Variants in UBE2U observed in about 807,000 individuals in gnomAD.
The protein encoded by UBE2U is ubiquitin-conjugating enzyme E2 U.
Under a neutral mutation model 41.2 loss-of-function variants are expected in UBE2U, and 39 were observed. The ratio of observed to expected loss-of-function variants is 0.95; its 90% CI spans 0.73 to 1.24. The LOEUF (loss-of-function observed/expected upper bound fraction) is 1.24. Ranked by LOEUF, UBE2U falls within the 50% of genes most tolerant of loss-of-function variation. The pLI is 0.00. For synonymous variants in UBE2U, 107 were observed against 117.8 expected, an observed-to-expected ratio of 0.91 and a Z score of 0.60; for missense variants, 336 against 363.1, an observed-to-expected ratio of 0.93 and a Z score of 0.61.
At chr1:64,217,264 GA>G (rs1462264549) in intron 5 of UBE2U, among the ~76,000 whole-genome samples, 6 of 152,122 alleles carry the variant, frequency 3.9e-5, no homozygotes, top group African/African-American at 1.4e-4. Flanking sequence ...GAGCTTCTTT[GA>G]TAAAAAGCTC....
At chr1:64,238,569 G>T (rs574313989) in intron 7 of UBE2U, among the ~76,000 whole-genome samples, 1 of 152,124 alleles carries the variant, frequency 6.6e-6, no homozygotes, top group East Asian at 1.9e-4. Flanking sequence ...TATTAATAAC[G>T]TCTGTAAGAA....
intron 4 of UBE2U, among the ~76,000 whole-genome samples, chr1:64,211,716 C>A (rs1471209330): frequency 6.6e-6 from 1 of 152,202 alleles, no homozygotes; most frequent in Admixed American, 6.5e-5. Flanking sequence ...GCTGGAATTA[C>A]AGGCAAGAGC....
Position 64,210,829 on chromosome 1 carries a change from T to G in UBE2U, c.329T>G (p.Leu110Arg). 6.2e-7 allele frequency: 1 copy of G among 1,601,394 alleles called. No individual in the cohort carries two copies. Among genetic ancestry groups the G allele is most frequent in the Non-Finnish European group, 8.5e-7 (1 of 1,173,042 alleles). Residue 110 changes from leucine (L) to arginine (R), a missense_variant, in exon 4 of 10, where the codon CTT becomes CGT. Coordinates refer to ENST00000371077, the MANE Select transcript of UBE2U (RefSeq NM_001366232.2). ...NTNYTLSSIL[L>R]ALQVMLSNPV... is the part of the protein sequence containing the mutation. ...AACTATACATTGAGCAGCATCTTAC[T>G]TGCCCTACAGGTAAGAATGGATTTC...
At chr1:64,211,562 C>A (rs1399221913) in intron 4 of UBE2U, among the ~76,000 whole-genome samples, 3 of 152,040 alleles carry the variant, frequency 2.0e-5, no homozygotes, top group Admixed American at 1.3e-4. Context: ...ACCTCAGCCC[C>A]TCAAGTAGCT....
intron 5 of UBE2U, among the ~76,000 whole-genome samples, chr1:64,216,516 C>T (rs1652025084): frequency 6.6e-6 from 1 of 152,230 alleles, no homozygotes; most frequent in Admixed American, 6.5e-5. Context: ...ATAGGACAAA[C>T]ACTGAAGTTA....
chr1:64,243,024 C>T (rs1164094456), intron 8 of UBE2U, among the ~76,000 whole-genome samples: 3 of 152,148 alleles, frequency 2.0e-5, no homozygotes, highest in Non-Finnish European at 4.4e-5. Context: ...GTGTCATTTT[C>T]AATTTATCCA....
At chr1:64,234,905 T>C (rs1644637555) in intron 7 of UBE2U, among the ~76,000 whole-genome samples, 1 of 152,054 alleles carries the variant, frequency 6.6e-6, no homozygotes, top group African/African-American at 2.4e-5. Flanking sequence ...GAGACATTAA[T>C]TGGCACACTC....
At chr1:64,251,110 A>G (rs193194585) in intron 8 of UBE2U, among the ~76,000 whole-genome samples, 5 of 151,568 alleles carry the variant, frequency 3.3e-5, no homozygotes, top group African/African-American at 9.7e-5. Flanking sequence ...CCGCCCCCCC[A>G]AAAAAAGAAA....
intron 7 of UBE2U, among the ~76,000 whole-genome samples, chr1:64,236,249 C>G (rs956655945): frequency 2.6e-5 from 4 of 152,142 alleles, no homozygotes; most frequent in African/African-American, 7.2e-5. Flanking sequence ...AGTGTGTTCT[C>G]AATTAATTCG....
intron 3 of UBE2U, 111 bp downstream of exon 3, chr1:64,206,967 ACT>A: frequency 1.4e-6 from 1 of 707,414 alleles, no homozygotes; most frequent in Non-Finnish European, 2.4e-6. Flanking sequence ...AAAAGTAAGA[ACT>A]CTCATTGGGG....
At chr1:64,235,733 A>G (rs970879318) in intron 7 of UBE2U, among the ~76,000 whole-genome samples, 3 of 152,168 alleles carry the variant, frequency 2.0e-5, no homozygotes, top group Non-Finnish European at 2.9e-5. Context: ...CCACAAATCT[A>G]TACATAGTCG....
intron 5 of UBE2U, 69 bp downstream of exon 5, chr1:64,215,001 G>A (rs1056311855): frequency 8.3e-7 from 1 of 1,205,254 alleles, no homozygotes; most frequent in African/African-American, 1.5e-5. Context: ...GGGAGGCTCA[G>A]GTGGGTGGAT....
intron 4 of UBE2U, among the ~76,000 whole-genome samples, chr1:64,213,705 G>A (rs1651796251): frequency 6.6e-6 from 1 of 152,134 alleles, no homozygotes; most frequent in Non-Finnish European, 1.5e-5. Flanking sequence ...TTACATTATT[G>A]CTATTATGGT....
rs1272806375 is a variant in UBE2U, at chr1:64,267,009, T to C, written c.770-15T>C. ...ATGTCTATTAAATTTCTATTTTTTA[T>C]AATTCCCACCACAGATGAAATTTTT... On this transcript the variant is annotated splice_polypyrimidine_tract_variant and intron_variant, in intron 9 of 9. Transcript: ENST00000371077. 5 of 1,537,476 alleles carry C rather than the reference T, an allele frequency of 3.3e-6. No homozygotes were observed. Among genetic ancestry groups the C allele is most frequent in the Non-Finnish European group, 4.4e-6 (5 of 1,142,858 alleles).
intron 8 of UBE2U, among the ~76,000 whole-genome samples, chr1:64,248,006 C>G (rs1644949212): frequency 6.6e-6 from 1 of 152,126 alleles, no homozygotes; most frequent in Non-Finnish European, 1.5e-5. Flanking sequence ...AGTCTTCCAG[C>G]CAGCAGAATT....
At position 64,210,861 on chromosome 1, in the gene UBE2U, T is replaced by A. The variant is rs748326204; in HGVS notation, c.339+22T>A. 3 of 1,529,116 alleles carry A rather than the reference T, an allele frequency of 2.0e-6. No individual in the cohort carries two copies. The South Asian group carries it at 3.6e-5, about 18-fold the overall frequency. The allele number at this position is 1,529,116 out of a possible 1,614,324, so 94.7% of individuals were successfully genotyped here. On this transcript the variant is annotated intron_variant, in intron 4 of 9. Coordinates refer to ENST00000371077, the MANE Select transcript of UBE2U (RefSeq NM_001366232.2). ...ACAGGTAAGAATGGATTTCATATAA[T>A]CCTCTCTTTAATACTTTTAATTACC...
intron 8 of UBE2U, among the ~76,000 whole-genome samples, chr1:64,252,202 G>A (rs949319106): frequency 2.0e-5 from 3 of 152,220 alleles, no homozygotes; most frequent in African/African-American, 4.8e-5. Context: ...CCTGTAGGGG[G>A]CCTTCAGTCA....
At chr1:64,254,562 C>A (rs2100521549) in intron 8 of UBE2U, among the ~76,000 whole-genome samples, 1 of 152,218 alleles carries the variant, frequency 6.6e-6, no homozygotes, top group East Asian at 1.9e-4. Context: ...ACTTTCAGAC[C>A]ACAGCACAAT....
intron 9 of UBE2U, 32 bp from the exon 10 acceptor site, chr1:64,266,992 T>C: frequency 6.6e-7 from 1 of 1,522,456 alleles, no homozygotes; most frequent in Non-Finnish European, 8.8e-7. Context: ...TTATGTCTAT[T>C]AAATTTCTAT....
Sources: gnomAD v4.1 joint callset for allele counts (sites outside exome capture counted in the v4.1 genomes callset) on GRCh38, gnomAD v4.1.1 for gene constraint, MANE v1.5 for transcripts, NCBI Gene and HGNC (gene_info 2026-07-23, HGNC 2026-07-21) for gene names.